Variants in PPP4R1 observed in about 807,000 individuals in gnomAD.
PPP4R1 encodes serine/threonine-protein phosphatase 4 regulatory subunit 1.
Under a neutral mutation model 111.2 loss-of-function variants are expected in PPP4R1, and 42 were observed. The ratio of observed to expected loss-of-function variants is 0.38; its 90% CI spans 0.29 to 0.49. PPP4R1 has a LOEUF of 0.49. PPP4R1 is among the 20% of genes least tolerant of loss of function. PPP4R1 has a pLI of 0.97. For missense variants in PPP4R1, 1,012 were observed against 1,161.6 expected, an observed-to-expected ratio of 0.87 and a Z score of 1.87; for synonymous variants, 409 against 405.5, an observed-to-expected ratio of 1.01 and a Z score of -0.10.
At chr18:9,604,570 CCT>C (rs1232488284) in intron 2 of PPP4R1, among the ~76,000 whole-genome samples, 3 of 150,724 alleles carry the variant, frequency 2.0e-5, no homozygotes, top group African/African-American at 7.3e-5. Context: ...CCATTTCTGT[CCT>C]CTCTAACCTC....
chr18:9,602,838 C>T (rs1316416634), intron 2 of PPP4R1, among the ~76,000 whole-genome samples: 1 of 128,230 alleles, frequency 7.8e-6, no homozygotes, highest in East Asian at 2.0e-4. Context: ...AAGTTGGGCC[C>T]ACCATAAAAT....
rs1003459094 is a variant in PPP4R1, at chr18:9,593,844, G to A, written c.219C>T (p.Thr73=). 1 of 1,613,630 alleles carries A rather than the reference G, an allele frequency of 6.2e-7. No homozygotes were observed. Among genetic ancestry groups the A allele is most frequent in the Non-Finnish European group, 8.5e-7 (1 of 1,179,872 alleles). The change falls in exon 4 of 20, where the codon ACC becomes ACT. Residue 73 remains threonine (T), a synonymous_variant. Coordinates refer to ENST00000400556, the MANE Select transcript of PPP4R1 (RefSeq NM_001042388.3). The part of the protein sequence containing the change: ...RQMVARSLLD[T]LREVCDDERD... ...TTTCATCATCGCAGACTTCCCTCAA[G>A]GTATCGAGCAAACTCCGGGCCACCA...
chr18:9,600,921 A>G (rs1004160094), intron 2 of PPP4R1, among the ~76,000 whole-genome samples: 3 of 152,100 alleles, frequency 2.0e-5, no homozygotes, highest in African/African-American at 7.2e-5. Flanking sequence ...CTATATTATT[A>G]TGAGACAAAA....
chr18:9,548,788 G>T (rs1285884103), intron 19 of PPP4R1, among the ~76,000 whole-genome samples: 5 of 152,082 alleles, frequency 3.3e-5, no homozygotes, highest in Non-Finnish European at 5.9e-5. Context: ...CGTGGTGGCG[G>T]GCACCTGTAA....
intron 2 of PPP4R1, among the ~76,000 whole-genome samples, chr18:9,598,667 G>C (rs1302783466): frequency 6.6e-6 from 1 of 152,030 alleles, no homozygotes; most frequent in Non-Finnish European, 1.5e-5. Flanking sequence ...AACCATTCCA[G>C]CAAAAGGAAA....
Position 9,563,396 on chromosome 18 carries a change from T to G in PPP4R1, c.1728A>C (p.Leu576Phe). Reference protein sequence around the residue: ...CKINQEDSVPLISDAVENMDS... With the variant: ...CKINQEDSVPFISDAVENMDS... ...TTGTTACCTCAACAGCATCGCTGATTAAAGGCACAGAATCTTCTTGATTTA... is the reference window on the plus strand; with the variant it reads ...TTGTTACCTCAACAGCATCGCTGATGAAAGGCACAGAATCTTCTTGATTTA... The change falls in exon 12 of 20, where the codon TTA (leucine) becomes TTC (phenylalanine). Residue 576 changes from leucine to phenylalanine, a missense_variant. Leu to Phe is a conservative substitution (Grantham distance 22). Around this residue, in one of 2 missense-constraint regions of PPP4R1, gnomAD observed 707 missense variants for 742.1 expected, o/e 0.95. Coordinates refer to ENST00000400556, the MANE Select transcript of PPP4R1 (RefSeq NM_001042388.3). The G allele has an allele frequency of 6.2e-7, 1 of 1,612,448 alleles. No homozygotes were observed. The highest frequency in any genetic ancestry group is 8.5e-7 in the Non-Finnish European group (1 of 1,179,258).
At chr18:9,583,063 CTTT>C in intron 9 of PPP4R1, 51 bp downstream of exon 9, 1 of 1,444,250 alleles carries the variant, frequency 6.9e-7, no homozygotes, top group East Asian at 2.4e-5. Flanking sequence ...ATTATGTTTG[CTTT>C]AAAACGGACA....
At chr18:9,590,414 G>C (rs2067191540) in intron 4 of PPP4R1, among the ~76,000 whole-genome samples, 1 of 152,120 alleles carries the variant, frequency 6.6e-6, no homozygotes, top group African/African-American at 2.4e-5. Flanking sequence ...TAAACATACA[G>C]GCCTCTGCTT....
At chr18:9,601,658 A>G (rs1307448578) in intron 2 of PPP4R1, among the ~76,000 whole-genome samples, 1 of 152,118 alleles carries the variant, frequency 6.6e-6, no homozygotes, top group South Asian at 2.1e-4. Context: ...ACACCTGGCT[A>G]ATTTTTGTAT....
intron 10 of PPP4R1, among the ~76,000 whole-genome samples, chr18:9,575,914 AT>A (rs902918717): frequency 4.6e-5 from 7 of 152,186 alleles, no homozygotes; most frequent in Admixed American, 6.5e-5. Flanking sequence ...TAAACAGGTA[AT>A]TTTTTAAGTA....
At position 9,546,889 on chromosome 18, in the gene PPP4R1, C is replaced by T. The variant is rs2066410226; in HGVS notation, c.*900G>A. ...TATTGGTAGACATCTAGAAAACAATCAAAAGTGTATATATCTCTCTCTATA... is the reference window on the plus strand; with the variant it reads ...TATTGGTAGACATCTAGAAAACAATTAAAAGTGTATATATCTCTCTCTATA... On this transcript the variant is annotated 3_prime_UTR_variant, in exon 20 of 20. Coordinates refer to ENST00000400556, the MANE Select transcript of PPP4R1 (RefSeq NM_001042388.3). 1 of 152,140 alleles carries T rather than the reference C, an allele frequency of 6.6e-6. No individual in the cohort carries two copies. Among genetic ancestry groups the T allele is most frequent in the Non-Finnish European group, 1.5e-5 (1 of 68,022 alleles). The allele number at this position is 152,140 out of a possible 1,614,324, so 9.4% of individuals were successfully genotyped here.
At chr18:9,608,355 TA>T (rs1461929430) in intron 2 of PPP4R1, among the ~76,000 whole-genome samples, 2 of 152,220 alleles carry the variant, frequency 1.3e-5, no homozygotes, top group Admixed American at 6.5e-5. Context: ...TTCTTTCCCC[TA>T]CACAAAACTA....
At chr18:9,557,997 T>C (rs1281442928) in intron 14 of PPP4R1, among the ~76,000 whole-genome samples, 2 of 152,126 alleles carry the variant, frequency 1.3e-5, no homozygotes, top group African/African-American at 4.8e-5. Context: ...ATTTAAGAAA[T>C]ATAAGACTAG....
chr18:9,554,844 G>T (rs1452540367), intron 15 of PPP4R1, among the ~76,000 whole-genome samples: 3 of 152,210 alleles, frequency 2.0e-5, no homozygotes, highest in Non-Finnish European at 4.4e-5. Flanking sequence ...GCTTTAAGGG[G>T]TCTCCACTAG....
intron 6 of PPP4R1, chr18:9,587,367 A>C (rs1468181332): frequency 6.6e-6 from 1 of 150,666 alleles, no homozygotes; most frequent in African/African-American, 2.4e-5. Context: ...TTTAACAGAA[A>C]GCAGCCTTTT....
At chr18:9,577,020 A>G (rs765039603) in intron 10 of PPP4R1, 44 bp downstream of exon 10, 1 of 1,436,716 alleles carries the variant, frequency 7.0e-7, no homozygotes, top group South Asian at 1.3e-5. Context: ...CAGTAAAATT[A>G]GAAAACAAGG....
intron 9 of PPP4R1, among the ~76,000 whole-genome samples, chr18:9,578,671 T>C (rs1224259233): frequency 6.6e-6 from 1 of 152,176 alleles, no homozygotes; most frequent in Middle Eastern, 3.2e-3. Flanking sequence ...AGTATTTACC[T>C]ACTCTTGGAG....
At chr18:9,585,891 T>C (rs1038493234) in intron 6 of PPP4R1, among the ~76,000 whole-genome samples, 1 of 152,102 alleles carries the variant, frequency 6.6e-6, no homozygotes, top group Non-Finnish European at 1.5e-5. Flanking sequence ...TAAATAGATC[T>C]ACCATGTTCA....
At chr18:9,579,496 T>C (rs2145167417) in intron 9 of PPP4R1, among the ~76,000 whole-genome samples, 1 of 150,624 alleles carries the variant, frequency 6.6e-6, no homozygotes, top group East Asian at 1.9e-4. Context: ...TTTTTGCACC[T>C]AAATAGGCAT....
Sources: allele counts gnomAD v4.1 joint callset (sites outside exome capture counted in the v4.1 genomes callset), GRCh38; gene constraint gnomAD v4.1.1; regional missense constraint gnomAD v4.1.1; transcripts MANE v1.5; gene names NCBI Gene and HGNC (gene_info 2026-07-23, HGNC 2026-07-21).